Variants in PCBP2 observed in about 807,000 individuals in gnomAD.
PCBP2 encodes the protein poly(rC)-binding protein 2.
In PCBP2, 4 loss-of-function variants were observed where a neutral mutation model predicts 50.1. That is an observed-to-expected ratio of 0.08 (90% CI 0.04 to 0.18). The LOEUF is 0.18. Ranked by LOEUF, PCBP2 falls within the 10% of genes least tolerant of loss-of-function variation. The pLI, the probability that PCBP2 is intolerant of heterozygous loss-of-function variation, is 1.00. For missense variants in PCBP2, 161 were observed against 474.3 expected (o/e 0.34, Z 6.14); for synonymous variants, 179 against 168.0 (o/e 1.07, Z -0.51).
intron 6 of PCBP2, chr12:53,460,256 A>G: frequency 4.3e-6 from 1 of 231,314 alleles, no homozygotes; most frequent in South Asian, 4.0e-5. Flanking sequence ...CTCCTACCTC[A>G]AGCCTCCTGA....
chr12:53,467,121 T>C (rs563261946), intron 10 of PCBP2, 100 bp from the exon 11 acceptor site: 1 of 804,020 alleles, frequency 1.2e-6, no homozygotes, highest in South Asian at 1.6e-5. Flanking sequence ...AGTAGTAGAG[T>C]CAATTTTGGG....
chr12:53,475,360 G>A (rs533298822), intron 14 of PCBP2: 1 of 360,376 alleles, frequency 2.8e-6, no homozygotes, highest in South Asian at 2.1e-5. Flanking sequence ...GGGTGGGGGA[G>A]TGGTAACCCT....
intron 14 of PCBP2, among the ~76,000 whole-genome samples, chr12:53,479,016 G>A (rs734901): frequency 6.6e-6 from 1 of 152,024 alleles, no homozygotes; most frequent in Admixed American, 6.6e-5. Flanking sequence ...TCCTAAACTG[G>A]TATTCTGTCA....
rs905602458 is a variant in PCBP2 at position 53,477,688 on chromosome 12, A to C, written c.1053-1718A>C. On this transcript the variant is annotated intron_variant, in intron 14 of 14. Coordinates refer to ENST00000546463, the MANE Select transcript of PCBP2 (RefSeq NM_031989.5). ...CTCAAAAAAAAAAAAAAAAAAAAAA[A>C]AAAAAACCCTAAATATTCCCTTAAT... Among the ~76,000 whole-genome samples the C allele has an allele frequency of 7.3e-5, 11 of 150,340 alleles. No individual in the cohort carries two copies. In the South Asian group the frequency reaches 8.4e-4, roughly 11 times the overall value.
chr12:53,457,920 A>G (rs926684436), intron 5 of PCBP2, among the ~76,000 whole-genome samples: 1 of 152,030 alleles, frequency 6.6e-6, no homozygotes, highest in Non-Finnish European at 1.5e-5. Flanking sequence ...AGTCAAATCT[A>G]TAGGTTTGTT....
rs964469643 is a variant in PCBP2 at position 53,467,105 on chromosome 12, A to C, written c.715-116A>C. Reference sequence around the variant, plus strand: ...AAGCCCCATCCCTACCCTCTGTTGTAGTTTGAGTAGTAGAGTCAATTTTGG... The same window carrying C: ...AAGCCCCATCCCTACCCTCTGTTGTCGTTTGAGTAGTAGAGTCAATTTTGG... On this transcript the variant is annotated intron_variant, in intron 10 of 14. Transcript: ENST00000546463. 5.7e-6 allele frequency: 4 copies of C among 706,702 alleles called. No individual in the cohort carries two copies. The Admixed American group carries it at 9.0e-5, about 16-fold the overall frequency. The allele number at this position is 706,702 out of a possible 1,614,324, so 43.8% of individuals were successfully genotyped here.
At chr12:53,473,732 C>T (rs1942387918) in intron 14 of PCBP2, among the ~76,000 whole-genome samples, 2 of 151,504 alleles carry the variant, frequency 1.3e-5, no homozygotes, top group Non-Finnish European at 2.9e-5. Flanking sequence ...TCTTTCTCAA[C>T]TTGGTGCAGT....
intron 14 of PCBP2, among the ~76,000 whole-genome samples, chr12:53,478,265 T>A (rs570070271): frequency 6.6e-6 from 1 of 152,278 alleles, no homozygotes; most frequent in African/African-American, 2.4e-5. Context: ...CCTAGCACTT[T>A]GGGAGGCCAA....
chr12:53,468,652 G>A (rs1419391590), intron 12 of PCBP2, 125 bp from the exon 13 acceptor site: 1 of 749,810 alleles, frequency 1.3e-6, no homozygotes, highest in East Asian at 2.5e-5. Flanking sequence ...TTCCAAGTTA[G>A]TGATGAATCC....
intron 14 of PCBP2, among the ~76,000 whole-genome samples, chr12:53,477,285 C>CTGAA (rs1942653288): frequency 6.6e-6 from 1 of 152,142 alleles, no homozygotes; most frequent in African/African-American, 2.4e-5. Flanking sequence ...TCAGTTCTTA[C>CTGAA]TGAACCCTTT....
At chr12:53,471,218 G>A (rs1592676539) in intron 13 of PCBP2, among the ~76,000 whole-genome samples, 4 of 151,780 alleles carry the variant, frequency 2.6e-5, no homozygotes, top group South Asian at 4.2e-4. Flanking sequence ...GCTGAGATTC[G>A]AAAATGGCTT....
At chr12:53,466,075 C>A in intron 10 of PCBP2, 102 bp downstream of exon 10, 1 of 925,952 alleles carries the variant, frequency 1.1e-6, no homozygotes, top group Non-Finnish European at 1.8e-6. Context: ...GGGTCTTCAG[C>A]ATTTGCAGTA....
At chr12:53,460,854 A>C in intron 6 of PCBP2, 161 bp from the exon 7 acceptor site, 2 of 667,596 alleles carry the variant, frequency 3.0e-6, no homozygotes, top group Non-Finnish European at 4.9e-6. Flanking sequence ...TTCACTAAAC[A>C]GTCCTATCTG....
chr12:53,463,090 C>T (rs572728249), intron 8 of PCBP2, among the ~76,000 whole-genome samples: 2 of 152,262 alleles, frequency 1.3e-5, no homozygotes, highest in East Asian at 3.9e-4. Flanking sequence ...CTGGTTTGAA[C>T]CCACATGGCA....
chr12:53,462,601 CAG>C (rs750686748), intron 8 of PCBP2, 34 bp downstream of exon 8: 12 of 1,543,578 alleles, frequency 7.8e-6, no homozygotes, highest in Middle Eastern at 1.7e-4. Context: ...CTAGAATGAA[CAG>C]AGATTATATT....
chr12:53,477,959 A>T (rs1306327628), intron 14 of PCBP2, among the ~76,000 whole-genome samples: 1 of 152,204 alleles, frequency 6.6e-6, no homozygotes, highest in Non-Finnish European at 1.5e-5. Flanking sequence ...ATTTGGTTCT[A>T]TTCAAAATGA....
intron 14 of PCBP2, among the ~76,000 whole-genome samples, chr12:53,474,189 GATCA>G (rs1942426980): frequency 6.6e-6 from 1 of 152,190 alleles, no homozygotes; most frequent in African/African-American, 2.4e-5. Context: ...TTAGAAGTAT[GATCA>G]GTCAGAAACA....
chr12:53,467,476 G>C, intron 11 of PCBP2, 183 bp downstream of exon 11: 4 of 669,952 alleles, frequency 6.0e-6, no homozygotes, highest in South Asian at 4.9e-5. Context: ...GTTTTCATTT[G>C]GGGTCAGTTA....
At chr12:53,461,835 G>A (rs962733760) in intron 7 of PCBP2, among the ~76,000 whole-genome samples, 1 of 152,026 alleles carries the variant, frequency 6.6e-6, no homozygotes, top group Non-Finnish European at 1.5e-5. Context: ...TGTCTCCCCA[G>A]TAGCTTGGTC....
Sources: gnomAD v4.1 joint callset for allele counts (sites outside exome capture counted in the v4.1 genomes callset) on GRCh38, gnomAD v4.1.1 for gene constraint, MANE v1.5 for transcripts, NCBI Gene and HGNC (gene_info 2026-07-23, HGNC 2026-07-21) for gene names.